RHCG: variants seen among roughly 807,000 people sequenced by gnomAD.
RHCG encodes the protein Rh family C glycoprotein.
RHCG carries 39 observed loss-of-function variants against 55.3 expected under a neutral mutation model. The ratio of observed to expected loss-of-function variants is 0.70; its 90% CI spans 0.55 to 0.92. RHCG has a LOEUF of 0.92. Among genes scored for constraint, RHCG ranks in the 40% least tolerant of loss-of-function variants. The pLI, the probability that RHCG is intolerant of heterozygous loss-of-function variation, is 0.00. For missense variants in RHCG, 635 were observed against 627.9 expected (o/e 1.01, Z -0.12); for synonymous variants, 250 against 246.8 (o/e 1.01, Z -0.12).
intron 8 of RHCG, 76 bp from the exon 9 acceptor site, chr15:89,476,904 G>A: frequency 6.4e-7 from 1 of 1,551,364 alleles, no homozygotes. Flanking sequence ...CCTCAGCTGG[G>A]AAAATCCTCC....
chr15:89,489,276 C>T (rs1961430805), intron 1 of RHCG, among the ~76,000 whole-genome samples: 2 of 151,782 alleles, frequency 1.3e-5, no homozygotes, highest in Admixed American at 6.6e-5. Context: ...GCCACCACAC[C>T]CAGCTAATTT....
In RHCG at chr15:89,479,395, CAGT is replaced by C; in HGVS notation, c.761_763del (p.Tyr254del). The C allele has an allele frequency of 6.2e-7, 1 of 1,614,186 alleles. No individual in the cohort carries two copies. Among genetic ancestry groups the C allele is most frequent in the Non-Finnish European group, 8.5e-7 (1 of 1,180,044 alleles). On this transcript the variant is annotated inframe_deletion, in exon 5 of 11. Transcript: ENST00000268122. The stretch of plus-strand genomic sequence containing the variant: ...GGTAAGCACGCAGGCTGCCAAGGAG[CAGT>C]AGGTGTTGATGGCGGCTCGGTGCTG...
At chr15:89,494,112 C>T (rs1394384755) in intron 1 of RHCG, among the ~76,000 whole-genome samples, 1 of 152,106 alleles carries the variant, frequency 6.6e-6, no homozygotes, top group Admixed American at 6.5e-5. Flanking sequence ...AAACCCTACT[C>T]TTGGGCCACA....
chr15:89,480,891 C>T (rs373200698), intron 3 of RHCG, among the ~76,000 whole-genome samples: 3 of 152,208 alleles, frequency 2.0e-5, no homozygotes, highest in Non-Finnish European at 4.4e-5. Flanking sequence ...ATGTTTGTCC[C>T]CCTCACACTC....
At chr15:89,494,613 C>G (rs1469209382) in intron 1 of RHCG, among the ~76,000 whole-genome samples, 1 of 151,502 alleles carries the variant, frequency 6.6e-6, no homozygotes, top group East Asian at 1.9e-4. Flanking sequence ...TATAGGGTCT[C>G]TCTCTCTCTC....
At chr15:89,490,224 T>C (rs759652702) in intron 1 of RHCG, among the ~76,000 whole-genome samples, 1 of 152,224 alleles carries the variant, frequency 6.6e-6, no homozygotes, top group African/African-American at 2.4e-5. Flanking sequence ...GCACCTTGCC[T>C]GCCCTCATCT....
chr15:89,480,430 A>G lies in RHCG; in HGVS notation c.523-22T>C, dbSNP rs1388574070. On this transcript the variant is annotated intron_variant, in intron 3 of 10. Coordinates refer to ENST00000268122, the MANE Select transcript of RHCG (RefSeq NM_016321.3). ...TCACCTGGGGTGCAAGGGGCCTGTC[A>G]GACTCTGGCACCTTCTCTCCCTCCC... 2.5e-6 allele frequency: 4 copies of G among 1,605,320 alleles called. No homozygotes were observed. The African/African-American group carries it at 5.3e-5, about 21-fold the overall frequency.
chr15:89,486,349 C>T, intron 2 of RHCG: 1 of 456,730 alleles, frequency 2.2e-6, no homozygotes, highest in Non-Finnish European at 4.4e-6. Context: ...CCAGTTCTCC[C>T]ACCAGAGTCC....
At chr15:89,480,223 C>T in intron 4 of RHCG, 38 bp downstream of exon 4, 3 of 1,612,392 alleles carry the variant, frequency 1.9e-6, no homozygotes, top group Non-Finnish European at 2.5e-6. Context: ...CCACCTTCAC[C>T]CATCATGGTG....
At chr15:89,485,022 A>C (rs961764029) in intron 2 of RHCG, among the ~76,000 whole-genome samples, 5 of 152,144 alleles carry the variant, frequency 3.3e-5, no homozygotes, top group African/African-American at 1.2e-4. Context: ...TCTGGGGACA[A>C]TATGCTCATC....
chr15:89,472,416 TCA>T (rs1173352101), intron 10 of RHCG, among the ~76,000 whole-genome samples: 3 of 152,106 alleles, frequency 2.0e-5, no homozygotes, highest in Non-Finnish European at 4.4e-5. Flanking sequence ...ATTCTCAAAG[TCA>T]CACACCAGCA....
chr15:89,486,209 G>T, intron 2 of RHCG: 3 of 455,658 alleles, frequency 6.6e-6, no homozygotes, highest in South Asian at 4.7e-5. Flanking sequence ...TCTCACAGCT[G>T]TTTCCAGCAC....
chr15:89,480,146 C>T, intron 4 of RHCG, 115 bp downstream of exon 4: 1 of 1,400,566 alleles, frequency 7.1e-7, no homozygotes, highest in South Asian at 1.2e-5. Flanking sequence ...GGGATCAGGT[C>T]TGATCATGGT....
At chr15:89,491,645 T>C (rs1325724629) in intron 1 of RHCG, among the ~76,000 whole-genome samples, 2 of 152,078 alleles carry the variant, frequency 1.3e-5, no homozygotes, top group African/African-American at 4.8e-5. Flanking sequence ...TGCACGCCTT[T>C]AATCCCAGCT....
In RHCG at chr15:89,486,935, T is replaced by C. The variant is rs751549369; in HGVS notation, c.235A>G (p.Thr79Ala). 2 of 1,610,586 alleles carry C rather than the reference T, an allele frequency of 1.2e-6. No homozygotes were observed. The highest frequency in any genetic ancestry group is 1.7e-5 in the Admixed American group (1 of 59,814). ...CTGAAGCCGTAGCGCTGCAGGAAAG[T>C]CATGAGGAAGCCGAAGCCCACGAAG... ...MVFVGFGFLMTFLQRYGFSAV... is the reference protein window; with the variant it reads ...MVFVGFGFLMAFLQRYGFSAV... The change falls in exon 2 of 11, where the codon ACT (threonine) becomes GCT (alanine). Residue 79 changes from threonine (T) to alanine (A), a missense_variant. Coordinates refer to ENST00000268122, the MANE Select transcript of RHCG (RefSeq NM_016321.3).
In RHCG at chr15:89,483,189, A is replaced by G. The variant is rs2141895040; in HGVS notation, c.400T>C (p.Ser134Pro). The change falls in exon 3 of 11, where the codon TCT becomes CCT. Residue 134 changes from serine (S) to proline (P), a missense_variant. By Grantham distance (74) the Ser-to-Pro change is moderately conservative. Transcript: ENST00000268122. ...NLINADFCVASVCVAFGAVLG... is the reference protein window; with the variant it reads ...NLINADFCVAPVCVAFGAVLG... Reference sequence around the variant, plus strand: ...ACTGCCCCAAAGGCCACGCAGACAGAGGCCACGCAGAAGTCAGCGTTGATG... The same window carrying G: ...ACTGCCCCAAAGGCCACGCAGACAGGGGCCACGCAGAAGTCAGCGTTGATG... 6.3e-7 allele frequency: 1 copy of G among 1,585,422 alleles called. No homozygotes were observed. The highest frequency in any genetic ancestry group is 8.6e-7 in the Non-Finnish European group (1 of 1,156,830).
chr15:89,495,791 G>A (rs1298877169), intron 1 of RHCG, among the ~76,000 whole-genome samples: 2 of 152,238 alleles, frequency 1.3e-5, no homozygotes, highest in South Asian at 2.1e-4. Flanking sequence ...CCAGCCACCT[G>A]GTTTGTGGCA....
chr15:89,486,108 G>C (rs1267186904), intron 2 of RHCG, among the ~76,000 whole-genome samples: 8 of 152,190 alleles, frequency 5.3e-5, no homozygotes, highest in African/African-American at 1.9e-4. Flanking sequence ...TCATGAGAAG[G>C]ATGGAGCTGA....
chr15:89,482,021 C>T (rs370484305), intron 3 of RHCG, among the ~76,000 whole-genome samples: 3 of 152,152 alleles, frequency 2.0e-5, no homozygotes, highest in South Asian at 2.1e-4. Flanking sequence ...AGGCTGGTCT[C>T]GAACTCCTGA....
Sources: gnomAD v4.1 joint callset for allele counts (sites outside exome capture counted in the v4.1 genomes callset) on GRCh38, gnomAD v4.1.1 for gene constraint, MANE v1.5 for transcripts, NCBI Gene and HGNC (gene_info 2026-07-23, HGNC 2026-07-21) for gene names.